The following ABHD2 variants were observed in gnomAD, a reference collection of about 807,000 sequenced individuals.
ABHD2 encodes the protein abhydrolase domain containing 2, acylglycerol lipase.
Under a neutral mutation model 48.1 loss-of-function variants are expected in ABHD2, and 20 were observed. The ratio of observed to expected loss-of-function variants is 0.42; its 90% confidence interval spans 0.29 to 0.60. The LOEUF (loss-of-function observed/expected upper bound fraction) is 0.60, where lower values mean the gene tolerates loss of function less well. ABHD2 is among the 20% of genes least tolerant of loss of function. The probability of loss-of-function intolerance (pLI) is 0.24; values close to 1 mark genes in which losing one functional copy is unlikely to be tolerated. For synonymous variants in ABHD2, 209 were observed against 214.2 expected (o/e 0.98, Z 0.21); for missense variants, 405 against 550.9 (o/e 0.74, Z 2.65).
chr15:89,073,967 A>T, the ABHD2 span, among the ~76,000 whole-genome samples: 2 of 152,204 alleles, frequency 1.3e-5, no homozygotes, highest in African/African-American at 4.8e-5. Context: ...TCAGAATCAC[A>T]GTGCTAGGAG....
chr15:89,042,061 C>G, the ABHD2 span, among the ~76,000 whole-genome samples: 1 of 152,208 alleles, frequency 6.6e-6, no homozygotes, highest in African/African-American at 2.4e-5. Flanking sequence ...ATGTGCCGAG[C>G]ACTCATCTAA....
chr15:89,175,740 C>A lies in ABHD2; in HGVS notation c.539-72C>A, dbSNP rs753571920. ...TAGTATACTGGCACCCATTTAGTAACGTTCCAGCTTGCATTTTCTCCAGAT... is the reference window on the plus strand; with the variant it reads ...TAGTATACTGGCACCCATTTAGTAAAGTTCCAGCTTGCATTTTCTCCAGAT... On this transcript the variant is annotated intron_variant, in intron 5 of 10. Coordinates refer to ENST00000352732, the MANE Select transcript of ABHD2 (RefSeq NM_152924.5). This position sits in a 1 kb window ranked among gnomAD's most constrained non-coding sequence, Gnocchi z 5.7. The A allele has an allele frequency of 6.5e-7, 1 of 1,531,544 alleles. No homozygotes were observed. The highest frequency in any genetic ancestry group is 9.0e-7 in the Non-Finnish European group (1 of 1,109,650). The allele number at this position is 1,531,544 out of a possible 1,614,324, so 94.9% of individuals were successfully genotyped here.
intron 6 of ABHD2, among the ~76,000 whole-genome samples, chr15:89,178,564 C>G (rs553785896): frequency 2.6e-5 from 4 of 152,354 alleles, no homozygotes; most frequent in Admixed American, 2.0e-4. Flanking sequence ...CACCTCCCAT[C>G]TAGCCAGAGC....
the ABHD2 span, among the ~76,000 whole-genome samples, chr15:89,076,128 A>T: frequency 6.6e-6 from 1 of 152,214 alleles, no homozygotes; most frequent in African/African-American, 2.4e-5. Flanking sequence ...ATCCAAATTT[A>T]AAAATATGGA....
the ABHD2 span, among the ~76,000 whole-genome samples, chr15:89,060,425 A>T: frequency 6.6e-6 from 1 of 151,862 alleles, no homozygotes; most frequent in Non-Finnish European, 1.5e-5. Flanking sequence ...CTCCTCCCAA[A>T]ACAAAGAGTT....
intron 2 of ABHD2, among the ~76,000 whole-genome samples, chr15:89,115,594 G>A (rs2049946665): frequency 6.6e-6 from 1 of 152,130 alleles, no homozygotes; most frequent in Non-Finnish European, 1.5e-5. Flanking sequence ...TAGTCAGGTA[G>A]CCTCCGCAGG....
At chr15:89,153,088 C>A (rs938115128) in intron 4 of ABHD2, among the ~76,000 whole-genome samples, 1 of 152,170 alleles carries the variant, frequency 6.6e-6, no homozygotes, top group African/African-American at 2.4e-5. Context: ...GGTCCCCAGA[C>A]CTTCACATGG....
At chr15:89,117,693 G>A (rs554368832) in intron 3 of ABHD2, among the ~76,000 whole-genome samples, 1 of 152,336 alleles carries the variant, frequency 6.6e-6, no homozygotes, top group East Asian at 1.9e-4. Context: ...AGTGGTGGTA[G>A]AAGCTCTTCC....
At chr15:89,129,933 C>A (rs1017560237) in intron 3 of ABHD2, among the ~76,000 whole-genome samples, 39 of 152,172 alleles carry the variant, frequency 2.6e-4, no homozygotes, top group African/African-American at 8.7e-4. Flanking sequence ...TAGCAAAAGA[C>A]ATAATGTACA....
At chr15:89,049,629 T>G in the ABHD2 span, among the ~76,000 whole-genome samples, 1 of 152,248 alleles carries the variant, frequency 6.6e-6, no homozygotes, top group African/African-American at 2.4e-5. Flanking sequence ...AGCGCAGTAT[T>G]CAGGTGGGAG....
the ABHD2 span, among the ~76,000 whole-genome samples, chr15:89,077,062 T>C: frequency 6.6e-6 from 1 of 152,140 alleles, no homozygotes; most frequent in African/African-American, 2.4e-5. Flanking sequence ...AGCAGCTTGA[T>C]GAATTTTCAT....
intron 3 of ABHD2, among the ~76,000 whole-genome samples, chr15:89,127,112 C>T (rs139835051): frequency 1.2e-3 from 183 of 152,310 alleles, no homozygotes; most frequent in African/African-American, 4.3e-3. Flanking sequence ...GGGCCGGGTA[C>T]TCCTCAGAGG....
chr15:89,142,602 C>T (rs938181877), intron 3 of ABHD2, among the ~76,000 whole-genome samples: 4 of 152,294 alleles, frequency 2.6e-5, no homozygotes, highest in Admixed American at 1.3e-4. Flanking sequence ...AATCATGAGC[C>T]TTACTCTTGC....
At chr15:89,171,425 A>T (rs1049366801) in intron 5 of ABHD2, among the ~76,000 whole-genome samples, 1 of 152,196 alleles carries the variant, frequency 6.6e-6, no homozygotes, top group African/African-American at 2.4e-5. Context: ...CTAGAGCATC[A>T]TTCTTGCAGT....
intron 3 of ABHD2, among the ~76,000 whole-genome samples, chr15:89,118,371 G>T (rs543410490): frequency 6.6e-6 from 1 of 152,038 alleles, no homozygotes; most frequent in Non-Finnish European, 1.5e-5. Context: ...TAGAGACGGG[G>T]TTTCACCATG....
chr15:89,088,956 C>T lies in ABHD2; in HGVS notation c.-107+393C>T, dbSNP rs977363049. ...ACCTGGAAGGAGAGGGCCGAGGGGC[C>T]TGATTACAGCCCGAGATACCCGAGA... On this transcript the variant is annotated intron_variant, in intron 1 of 10. Transcript: ENST00000352732. The surrounding 1 kb of genome is among the most constrained non-coding windows in gnomAD (Gnocchi z 6.8). 6.6e-6 allele frequency among the ~76,000 whole-genome samples: 1 copy of T among 152,228 alleles called. No homozygotes were observed. The highest frequency in any genetic ancestry group is 2.4e-5 in the African/African-American group (1 of 41,462).
At chr15:89,088,187 C>G (rs1469227334), upstream of ABHD2, 1 of 152,414 alleles carries the variant, frequency 6.6e-6, no homozygotes. This position sits in a 1 kb window ranked among gnomAD's most constrained non-coding sequence, Gnocchi z 6.8. Context: ...CCGGGCTGGC[C>G]TTATCCAGTA....
intron 6 of ABHD2, among the ~76,000 whole-genome samples, chr15:89,181,833 C>T (rs1896695387): frequency 6.6e-6 from 1 of 152,228 alleles, no homozygotes; most frequent in South Asian, 2.1e-4. Flanking sequence ...ATGGTTGGCT[C>T]AGCTCTTCCT....
chr15:89,194,718 G>C (rs2238309), intron 10 of ABHD2, among the ~76,000 whole-genome samples: 73,743 of 152,042 alleles, frequency 0.49, 18,553 homozygotes, highest in East Asian at 0.82. Flanking sequence ...CAGAATCTCA[G>C]CTCCCACTTC....
Sources: gnomAD v4.1 joint callset for allele counts (sites outside exome capture counted in the v4.1 genomes callset) on GRCh38, gnomAD v4.1.1 for gene constraint, Gnocchi (gnomAD v3.1) non-coding constraint, MANE v1.5 for transcripts, NCBI Gene and HGNC (gene_info 2026-07-23, HGNC 2026-07-21) for gene names.